The following DYRK1A variants were observed in gnomAD, a reference collection of about 807,000 sequenced individuals.
DYRK1A encodes the protein dual specificity tyrosine-phosphorylation-regulated kinase 1A.
In DYRK1A, 9 loss-of-function variants were observed where a neutral mutation model predicts 79.7. That is an observed-to-expected ratio of 0.11 (90% CI 0.07 to 0.20). The LOEUF (loss-of-function observed/expected upper bound fraction) is 0.20, where lower values mean the gene tolerates loss of function less well. Ranked by LOEUF, DYRK1A falls within the 10% of genes least tolerant of loss-of-function variation. DYRK1A has a pLI of 1.00. For missense variants in DYRK1A, 622 were observed against 956.0 expected (o/e 0.65, Z 4.61); for synonymous variants, 349 against 329.7 (o/e 1.06, Z -0.63).
chr21:37,512,028 G>A lies in DYRK1A; in HGVS notation c.1762G>A (p.Ala588Thr), dbSNP rs200808105. The change falls in exon 12 of 12, where the codon GCA becomes ACA. Residue 588 changes from alanine (A) to threonine (T), a missense_variant. Ala to Thr is a moderately conservative substitution (Grantham distance 58, BLOSUM62 0). This residue lies in a region of DYRK1A where 292 missense variants were observed against 316.7 expected (regional missense o/e 0.92). Transcript: ENST00000647188. ...CTTTCATGTAGCCCCTCAACAGAAT[G>A]CATTGCATCATCACCATGGTAACAG... ...TTFHVAPQQN[A>T]LHHHHGNSSH... The A allele has an allele frequency of 1.3e-4, 210 of 1,613,944 alleles. No individual in the cohort carries two copies. The highest frequency in any genetic ancestry group is 1.7e-4 in the Non-Finnish European group (203 of 1,180,012).
At chr21:37,432,362 G>C (rs2050799145) in intron 2 of DYRK1A, among the ~76,000 whole-genome samples, 1 of 152,088 alleles carries the variant, frequency 6.6e-6, no homozygotes, top group African/African-American at 2.4e-5. Flanking sequence ...GTCTTAATGA[G>C]AAGTAGGGGA....
intron 11 of DYRK1A, 138 bp downstream of exon 11, chr21:37,506,361 A>G (rs1247720981): frequency 6.4e-7 from 1 of 1,558,042 alleles, no homozygotes; most frequent in Admixed American, 1.9e-5. Context: ...AAATGTAAGT[A>G]TTTATCATAG....
chr21:37,488,463 C>T (rs1183241644), intron 6 of DYRK1A: 1 of 728,612 alleles, frequency 1.4e-6, no homozygotes, highest in East Asian at 1.3e-4. Context: ...TAAAAAACAT[C>T]TACTTCTTTA....
chr21:37,446,562 T>C (rs2051277925), intron 2 of DYRK1A, among the ~76,000 whole-genome samples: 1 of 151,612 alleles, frequency 6.6e-6, no homozygotes, highest in South Asian at 2.1e-4. Flanking sequence ...ATCTACAATG[T>C]ATAGGCAGGT....
At chr21:37,483,905 T>G (rs2052751607) in intron 5 of DYRK1A, among the ~76,000 whole-genome samples, 1 of 151,904 alleles carries the variant, frequency 6.6e-6, no homozygotes, top group Admixed American at 6.6e-5. Context: ...TTGATTAAGG[T>G]CTTCCTGTTA....
intron 1 of DYRK1A, among the ~76,000 whole-genome samples, chr21:37,391,376 G>A (rs1263913993): frequency 6.6e-6 from 1 of 152,178 alleles, no homozygotes; most frequent in Non-Finnish European, 1.5e-5. Context: ...TGCCACTACT[G>A]TGCCATCTTC....
chr21:37,490,050 C>A, intron 6 of DYRK1A, 125 bp from the exon 7 acceptor site: 1 of 987,998 alleles, frequency 1.0e-6, no homozygotes, highest in Non-Finnish European at 1.5e-6. Flanking sequence ...AAATGCTGAT[C>A]TCCAAACTTT....
In DYRK1A at chr21:37,512,569, A is replaced by G. The variant is rs2053786625; in HGVS notation, c.*38A>G. 1 of 1,589,604 alleles carries G rather than the reference A, an allele frequency of 6.3e-7. No individual in the cohort carries two copies. The highest frequency in any genetic ancestry group is 8.6e-7 in the Non-Finnish European group (1 of 1,166,066). On this transcript the variant is annotated 3_prime_UTR_variant, in exon 12 of 12. Transcript: ENST00000647188. ...TTGAGTTTGTTTCTTGTGTGTTTTT[A>G]TAGAAGTGGTGTTTTTTTTCCAAAA...
chr21:37,402,832 G>A (rs550667676), intron 1 of DYRK1A, among the ~76,000 whole-genome samples: 18 of 151,912 alleles, frequency 1.2e-4, no homozygotes, highest in African/African-American at 2.4e-4. Context: ...GTGCCATCTC[G>A]GCTCACTGCA....
At chr21:37,486,698 G>A (rs2052882038) in intron 6 of DYRK1A, 84 bp downstream of exon 6, 1 of 1,288,738 alleles carries the variant, frequency 7.8e-7, no homozygotes, top group South Asian at 2.5e-5. Context: ...AAAATATTTT[G>A]ATTTTATTTT....
Position 37,511,901 on chromosome 21 carries a change from G to A in DYRK1A, c.1645-10G>A. On this transcript the variant is annotated splice_polypyrimidine_tract_variant and intron_variant, in intron 11 of 11. Coordinates refer to ENST00000647188, the MANE Select transcript of DYRK1A (RefSeq NM_001347721.2). ...CTCTGAAAAATCCTTTTAAAAATCTGTTCTTTCAGGTGCGTCAGCAATTTC... is the reference window on the plus strand; with the variant it reads ...CTCTGAAAAATCCTTTTAAAAATCTATTCTTTCAGGTGCGTCAGCAATTTC... The A allele has an allele frequency of 6.2e-7, 1 of 1,606,520 alleles. No homozygotes were observed. The highest frequency in any genetic ancestry group is 8.5e-7 in the Non-Finnish European group (1 of 1,174,564).
chr21:37,403,700 T>TGTG (rs2050100565), intron 1 of DYRK1A, among the ~76,000 whole-genome samples: 1 of 146,616 alleles, frequency 6.8e-6, no homozygotes, highest in African/African-American at 2.5e-5. Context: ...TGTGTGTGTG[T>TGTG]TCACCAGGCT....
chr21:37,478,345 A>C, intron 4 of DYRK1A, 45 bp downstream of exon 4: 1 of 1,566,562 alleles, frequency 6.4e-7, no homozygotes, highest in Non-Finnish European at 8.7e-7. Context: ...GCAGTATGTC[A>C]TTGAGAAAAA....
At chr21:37,456,976 C>G (rs1395788858) in intron 2 of DYRK1A, among the ~76,000 whole-genome samples, 1 of 152,118 alleles carries the variant, frequency 6.6e-6, no homozygotes, top group Non-Finnish European at 1.5e-5. Context: ...AGAATACTTT[C>G]TGGTTTGGAA....
chr21:37,451,562 T>C lies in DYRK1A; in HGVS notation c.11-21122T>C, dbSNP rs73903983. Among the ~76,000 whole-genome samples the C allele has an allele frequency of 7.9e-3, 1,105 of 139,704 alleles. 21 individuals carry two copies. The highest frequency in any genetic ancestry group is 0.026 in the African/African-American group (1,021 of 39,302). 91.7% of individuals were successfully genotyped at this position (139,704 alleles called of 152,430 possible). Reference sequence around the variant, plus strand: ...TTTGCAGCCTAAGAGCAGTAGGCTCTACCGTCTAGCGTGGGCGTGCAGTAG... The same window carrying C: ...TTTGCAGCCTAAGAGCAGTAGGCTCCACCGTCTAGCGTGGGCGTGCAGTAG... On this transcript the variant is annotated intron_variant, in intron 2 of 11. Coordinates refer to ENST00000647188, the MANE Select transcript of DYRK1A (RefSeq NM_001347721.2).
At chr21:37,482,171 C>G (rs1030869455) in intron 5 of DYRK1A, among the ~76,000 whole-genome samples, 1 of 152,110 alleles carries the variant, frequency 6.6e-6, no homozygotes, top group Non-Finnish European at 1.5e-5. Flanking sequence ...AATACATGCT[C>G]CTTTTTAACC....
At chr21:37,497,168 T>G (rs1049251369) in intron 9 of DYRK1A, among the ~76,000 whole-genome samples, 1 of 152,146 alleles carries the variant, frequency 6.6e-6, no homozygotes, top group Admixed American at 6.5e-5. Context: ...TGCCACCAGG[T>G]GTCATTTTCA....
At chr21:37,479,552 A>G (rs531334417) in intron 4 of DYRK1A, among the ~76,000 whole-genome samples, 2 of 71,240 alleles carry the variant, frequency 2.8e-5, no homozygotes, top group African/African-American at 4.0e-5. Flanking sequence ...TTCATCTAGT[A>G]TTTTTTTTTT....
At chr21:37,486,341 G>T in intron 5 of DYRK1A, 126 bp from the exon 6 acceptor site, 1 of 701,546 alleles carries the variant, frequency 1.4e-6, no homozygotes, top group South Asian at 3.8e-5. Context: ...ACTTAGGAAG[G>T]TCAGAAAAAT....
Sources: gnomAD v4.1 joint callset for allele counts (sites outside exome capture counted in the v4.1 genomes callset) on GRCh38, gnomAD v4.1.1 for gene constraint, gnomAD v4.1.1 regional missense constraint, MANE v1.5 for transcripts, NCBI Gene and HGNC (gene_info 2026-07-23, HGNC 2026-07-21) for gene names.